Variants in PNMA8B observed in about 807,000 individuals in gnomAD.
The protein encoded by PNMA8B is PNMA family member 8B.
For synonymous variants in PNMA8B, 386 were observed against 394.9 expected, an observed-to-expected ratio of 0.98 and a Z score of 0.27; for missense variants, 887 against 885.8, an observed-to-expected ratio of 1.00 and a Z score of -0.02.
rs1455792645 is a variant in PNMA8B, at chr19:46,494,649, C to G, written c.817G>C (p.Ala273Pro). ...SKKEEAEKEP[A>P]GAESIRLNTK... Reference sequence around the variant, plus strand: ...TTCAAGCGGATGGATTCGGCCCCAGCTGGCTCCTTCTCTGCCTCTTCTTTC... The same window carrying G: ...TTCAAGCGGATGGATTCGGCCCCAGGTGGCTCCTTCTCTGCCTCTTCTTTC... Residue 273 changes from alanine (A) to proline (P), a missense_variant, in exon 1 of 1, where the codon GCT becomes CCT. By Grantham distance (27) the Ala-to-Pro change is conservative. Coordinates refer to ENST00000599531, the MANE Select transcript of PNMA8B (RefSeq NM_020709.3). 6.2e-7 allele frequency: 1 copy of G among 1,614,068 alleles called. No homozygotes were observed. Among genetic ancestry groups the G allele is most frequent in the Admixed American group, 1.7e-5 (1 of 60,038 alleles).
rs1970014767 is a variant in PNMA8B at position 46,492,311 on chromosome 19, A to T, written c.*1247T>A. 3.6e-6 allele frequency: 1 copy of T among 276,136 alleles called. No individual in the cohort carries two copies. The highest frequency in any genetic ancestry group is 4.4e-5 in the Admixed American group (1 of 22,538). 17.1% of individuals were successfully genotyped at this position (276,136 alleles called of 1,614,324 possible). ...CCGTGGAGACTGATATTTAGGTAAA[A>T]ATCGAGCTCAGCCGGGGTTGCAGGA... On this transcript the variant is annotated 3_prime_UTR_variant, in exon 1 of 1. Transcript: ENST00000599531.
Position 46,493,672 on chromosome 19 carries a change from G to A in PNMA8B, c.1794C>T (p.Gly598=). Residue 598 remains glycine (G), a synonymous_variant, in exon 1 of 1, where the codon GGC becomes GGT. Transcript: ENST00000599531. The surrounding 1 kb of genome is among the most constrained non-coding windows in gnomAD (Gnocchi z 5.3). ...CGCCTGCCCTGGCATGGGCCCCGGC[G>A]CCCGCGCTCCCCTTCTTCTTCCTGC... The part of the protein sequence containing the change: ...AGSRKKKGSA[G]AGAHARAGEA... The A allele has an allele frequency of 6.5e-7, 1 of 1,530,758 alleles. No individual in the cohort carries two copies. Among genetic ancestry groups the A allele is most frequent in the Non-Finnish European group, 8.7e-7 (1 of 1,147,340 alleles). The allele number at this position is 1,530,758 out of a possible 1,614,324, so 94.8% of individuals were successfully genotyped here. A position where few individuals can be genotyped will look rare whatever the true frequency, so the allele number is the denominator to read the frequency against.
rs1273978805 is a variant in PNMA8B, at chr19:46,495,397, G to A, written c.69C>T (p.Val23=). 1.4e-6 allele frequency: 2 copies of A among 1,403,288 alleles called. No individual in the cohort carries two copies. The highest frequency in any genetic ancestry group is 3.3e-5 in the Admixed American group (2 of 59,774). 86.9% of individuals were successfully genotyped at this position (1,403,288 alleles called of 1,614,324 possible). ...LDVDAHRALL[V]TGIPEGLEQA... ...GCTCCAGGCCCTCCGGGATGCCGGTGACCAGCAGGGCCCTGTGCGCGTCCA... is the reference window on the plus strand; with the variant it reads ...GCTCCAGGCCCTCCGGGATGCCGGTAACCAGCAGGGCCCTGTGCGCGTCCA... Residue 23 remains valine, a synonymous_variant, in exon 1 of 1, where the codon GTC becomes GTT. Coordinates refer to ENST00000599531, the MANE Select transcript of PNMA8B (RefSeq NM_020709.3).
In PNMA8B at chr19:46,494,443, C is replaced by A. The variant is rs1970059333; in HGVS notation, c.1023G>T (p.Pro341=). 3 of 1,613,862 alleles carry A rather than the reference C, an allele frequency of 1.9e-6. No individual in the cohort carries two copies. Among genetic ancestry groups the A allele is most frequent in the Admixed American group, 1.7e-5 (1 of 60,004 alleles). The change falls in exon 1 of 1, where the codon CCG becomes CCT. Residue 341 remains proline, a synonymous_variant. Transcript: ENST00000599531. The stretch of plus-strand genomic sequence containing the variant: ...TCTCCTCCCGGGCCCAGGGGTCCGA[C>A]GGGTCGGTATAGGCCACAATGGCCA... ...EFVAIVAYTD[P]SDPWAREEML...
In PNMA8B at chr19:46,495,382, C is replaced by T; in HGVS notation, c.84G>A (p.Glu28=). ...HRALLVTGIP[E]GLEQADVEAV... ...CTTCGACGTCTGCCTGCTCCAGGCCCTCCGGGATGCCGGTGACCAGCAGGG... is the reference window on the plus strand; with the variant it reads ...CTTCGACGTCTGCCTGCTCCAGGCCTTCCGGGATGCCGGTGACCAGCAGGG... The change falls in exon 1 of 1, where the codon GAG becomes GAA. Residue 28 remains glutamate, a synonymous_variant. Coordinates refer to ENST00000599531, the MANE Select transcript of PNMA8B (RefSeq NM_020709.3). 7.3e-7 allele frequency: 1 copy of T among 1,363,660 alleles called. No individual in the cohort carries two copies. The highest frequency in any genetic ancestry group is 1.0e-6 in the Non-Finnish European group (1 of 952,486). The allele number at this position is 1,363,660 out of a possible 1,614,324, so 84.5% of individuals were successfully genotyped here. A position where few individuals can be genotyped will look rare whatever the true frequency, so the allele number is the denominator to read the frequency against.
rs745940906 is a variant in PNMA8B at position 46,494,183 on chromosome 19, T to C, written c.1283A>G (p.Lys428Arg). Residue 428 changes from lysine (K) to arginine (R), a missense_variant, in exon 1 of 1, where the codon AAG (lysine) becomes AGG (arginine). Physicochemically the swap from Lys to Arg is conservative, Grantham distance 26 (BLOSUM62 2). Transcript: ENST00000599531. ...CCCGAAGAGGCCACGCCCAGCCTTCTTCGCCTGGGGAGGGAGATCCGGCTG... is the reference window on the plus strand; with the variant it reads ...CCCGAAGAGGCCACGCCCAGCCTTCCTCGCCTGGGGAGGGAGATCCGGCTG... The part of the protein sequence containing the change: ...LAQPDLPPQA[K>R]KAGRGLFGGW... 1.2e-6 allele frequency: 2 copies of C among 1,609,904 alleles called. No individual in the cohort carries two copies. The highest frequency in any genetic ancestry group is 2.2e-5 in the South Asian group (2 of 91,088).
Position 46,495,460 on chromosome 19 carries a change from G to A in PNMA8B, c.6C>T (p.Ala2=). M[A]MSLLQDWCRS... ...GGCACCAGTCCTGCAAAAGGCTCAT[G>A]GCCATGGTGCAGCCCCCTTGGCGCT... The change falls in exon 1 of 1, where the codon GCC becomes GCT. Residue 2 remains alanine (A), a synonymous_variant. Transcript: ENST00000599531. 2 of 1,599,098 alleles carry A rather than the reference G, an allele frequency of 1.3e-6. No homozygotes were observed. Among genetic ancestry groups the A allele is most frequent in the Non-Finnish European group, 8.6e-7 (1 of 1,168,798 alleles).
rs1429398552 is a variant in PNMA8B, at chr19:46,494,871, C to T, written c.595G>A (p.Asp199Asn). 7 of 1,612,910 alleles carry T rather than the reference C, an allele frequency of 4.3e-6. No individual in the cohort carries two copies. The highest frequency in any genetic ancestry group is 5.9e-6 in the Non-Finnish European group (7 of 1,179,898). Residue 199 changes from aspartate to asparagine, a missense_variant, in exon 1 of 1, where the codon GAC (aspartate) becomes AAC (asparagine). Coordinates refer to ENST00000599531, the MANE Select transcript of PNMA8B (RefSeq NM_020709.3). Reference protein sequence around the residue: ...PARSEAEDSSDESLGIVIEEI... With the variant: ...PARSEAEDSSNESLGIVIEEI... ...TCGATCACGATGCCCAGGCTCTCGT[C>T]GGAAGAGTCCTCGGCCTCACTCCTC...
rs753524991 is a variant in PNMA8B, at chr19:46,493,944, C to T, written c.1522G>A (p.Asp508Asn). Residue 508 changes from aspartate (D) to asparagine (N), a missense_variant, in exon 1 of 1, where the codon GAC becomes AAC. Coordinates refer to ENST00000599531, the MANE Select transcript of PNMA8B (RefSeq NM_020709.3). The surrounding 1 kb of genome is among the most constrained non-coding windows in gnomAD (Gnocchi z 5.3). Reference sequence around the variant, plus strand: ...TCCGACTCCTCCTCGGACTGTTCGTCCGAAGCCTCCTCCGACCCCTCGTTG... The same window carrying T: ...TCCGACTCCTCCTCGGACTGTTCGTTCGAAGCCTCCTCCGACCCCTCGTTG... Reference protein sequence around the residue: ...GSNEGSEEASDEQSEEESEDT... With the variant: ...GSNEGSEEASNEQSEEESEDT... 5.6e-6 allele frequency: 9 copies of T among 1,610,828 alleles called. No individual in the cohort carries two copies. In the South Asian group the frequency reaches 7.7e-5, roughly 14 times the overall value.
At position 46,492,324 on chromosome 19, in the gene PNMA8B, C is replaced by T. The variant is rs1463122832; in HGVS notation, c.*1234G>A. 1.8e-5 allele frequency: 5 copies of T among 276,050 alleles called. No homozygotes were observed. Among genetic ancestry groups the T allele is most frequent in the South Asian group, 5.8e-5 (2 of 34,634 alleles). The allele number at this position is 276,050 out of a possible 1,614,324, so 17.1% of individuals were successfully genotyped here. A position where few individuals can be genotyped will look rare whatever the true frequency, so the allele number is the denominator to read the frequency against. ...TATTTAGGTAAAAATCGAGCTCAGC[C>T]GGGGTTGCAGGAGCTGAAGCATACG... On this transcript the variant is annotated 3_prime_UTR_variant, in exon 1 of 1. Coordinates refer to ENST00000599531, the MANE Select transcript of PNMA8B (RefSeq NM_020709.3).
In PNMA8B at chr19:46,491,414, AG is replaced by A. The variant is rs1970000667; in HGVS notation, c.*2143del. On this transcript the variant is annotated 3_prime_UTR_variant, in exon 1 of 1. Transcript: ENST00000599531. ...GCAGCCATGTATGGTGGGGGGACAC[AG>A]GATGGAGGGAGGCAGAAAACTCAGG... 6.6e-6 allele frequency: 1 copy of A among 152,430 alleles called. No individual in the cohort carries two copies. The highest frequency in any genetic ancestry group is 1.5e-5 in the Non-Finnish European group (1 of 68,286). The allele number at this position is 152,430 out of a possible 1,614,324, so 9.4% of individuals were successfully genotyped here.
rs1402028450 is a variant in PNMA8B, at chr19:46,493,571, G to C, written c.1895C>G (p.Pro632Arg). ...KKARRGRRLPPKCR is the reference protein window; with the variant it reads ...KKARRGRRLPRKCR ...CTTGGGGGGCCACTAGCGGCATTTA[G>C]GGGGCAGCCTCCGGCCCCGACGGGC... is the stretch of plus-strand genomic sequence containing the variant. Residue 632 changes from proline (P) to arginine (R), a missense_variant, in exon 1 of 1, where the codon CCT (proline) becomes CGT (arginine). Physicochemically the swap from Pro to Arg is moderately radical, Grantham distance 103. Coordinates refer to ENST00000599531, the MANE Select transcript of PNMA8B (RefSeq NM_020709.3). This position sits in a 1 kb window ranked among gnomAD's most constrained non-coding sequence, Gnocchi z 5.3. The C allele has an allele frequency of 1.4e-6, 2 of 1,437,110 alleles. No individual in the cohort carries two copies. Among genetic ancestry groups the C allele is most frequent in the Non-Finnish European group, 9.1e-7 (1 of 1,103,002 alleles). 89.0% of individuals were successfully genotyped at this position (1,437,110 alleles called of 1,614,324 possible).
chr19:46,493,464 G>A lies in PNMA8B; in HGVS notation c.*94C>T. 1 of 771,412 alleles carries A rather than the reference G, an allele frequency of 1.3e-6. No individual in the cohort carries two copies. The highest frequency in any genetic ancestry group is 1.8e-6 in the Non-Finnish European group (1 of 563,000). The allele number at this position is 771,412 out of a possible 1,614,324, so 47.8% of individuals were successfully genotyped here. A position where few individuals can be genotyped will look rare whatever the true frequency, so the allele number is the denominator to read the frequency against. ...GTGAAGCGAGGAGATTGCGTCTGCG[G>A]AGGACAGGAAGAGGGGAGGGGAGGG... On this transcript the variant is annotated 3_prime_UTR_variant, in exon 1 of 1. Coordinates refer to ENST00000599531, the MANE Select transcript of PNMA8B (RefSeq NM_020709.3). The surrounding 1 kb of genome is among the most constrained non-coding windows in gnomAD (Gnocchi z 5.3).
chr19:46,494,895 T>G lies in PNMA8B; in HGVS notation c.571A>C (p.Arg191=). The change falls in exon 1 of 1, where the codon AGG becomes CGG. Residue 191 remains arginine, a synonymous_variant. Coordinates refer to ENST00000599531, the MANE Select transcript of PNMA8B (RefSeq NM_020709.3). ...SRGGRPSAPA[R]SEAEDSSDES... ...TCGGAAGAGTCCTCGGCCTCACTCCTCGCGGGAGCAGACGGCCGTCCTCCT... is the reference window on the plus strand; with the variant it reads ...TCGGAAGAGTCCTCGGCCTCACTCCGCGCGGGAGCAGACGGCCGTCCTCCT... 6.2e-7 allele frequency: 1 copy of G among 1,612,294 alleles called. No homozygotes were observed. The highest frequency in any genetic ancestry group is 8.5e-7 in the Non-Finnish European group (1 of 1,179,892).
chr19:46,493,392 GCC>G lies in PNMA8B; in HGVS notation c.*164_*165del. 1 of 436,680 alleles carries G rather than the reference GCC, an allele frequency of 2.3e-6. No individual in the cohort carries two copies. The allele number at this position is 436,680 out of a possible 1,614,324, so 27.1% of individuals were successfully genotyped here. ...TCGCTGGCGCCCCCGGCCTGCGAGG[GCC>G]CGAGAGGGGAACGTGACGCTGGCAA... is the stretch of plus-strand genomic sequence containing the variant. On this transcript the variant is annotated 3_prime_UTR_variant, in exon 1 of 1. Coordinates refer to ENST00000599531, the MANE Select transcript of PNMA8B (RefSeq NM_020709.3). This position sits in a 1 kb window ranked among gnomAD's most constrained non-coding sequence, Gnocchi z 5.3.
Position 46,494,069 on chromosome 19 carries a change from T to G in PNMA8B, c.1397A>C (p.Glu466Ala), listed in dbSNP as rs765740558. The change falls in exon 1 of 1, where the codon GAG becomes GCG. Residue 466 changes from glutamate (E) to alanine (A), a missense_variant. Physicochemically the swap from Glu to Ala is moderately radical, Grantham distance 107. Transcript: ENST00000599531. Reference sequence around the variant, plus strand: ...GCCTTCCCAGGCGTTTTCTTTTTCCTCCTTCATCACCTCCGCCATGTCCTG... The same window carrying G: ...GCCTTCCCAGGCGTTTTCTTTTTCCGCCTTCATCACCTCCGCCATGTCCTG... ...AAQDMAEVMK[E>A]EKENAWEGGK... The G allele has an allele frequency of 3.7e-6, 6 of 1,613,058 alleles. No individual in the cohort carries two copies. Among genetic ancestry groups the G allele is most frequent in the Non-Finnish European group, 5.1e-6 (6 of 1,179,770 alleles).
At position 46,494,226 on chromosome 19, in the gene PNMA8B, A is replaced by C. The variant is rs1442734926; in HGVS notation, c.1240T>G (p.Cys414Gly). 1 of 1,608,008 alleles carries C rather than the reference A, an allele frequency of 6.2e-7. No individual in the cohort carries two copies. The highest frequency in any genetic ancestry group is 1.3e-5 in the African/African-American group (1 of 74,414). ...KAGDDGDLRE[C>G]ISTLAQPDLP... ...TCCGGCTGCGCCAAGGTGGAAATGC[A>C]CTCCCGGAGGTCCCCGTCATCCCCG... The change falls in exon 1 of 1, where the codon TGC becomes GGC. Residue 414 changes from cysteine (C) to glycine (G), a missense_variant. Cys to Gly is a radical substitution (Grantham distance 159, BLOSUM62 -3). Transcript: ENST00000599531.
Position 46,494,401 on chromosome 19 carries a change from A to G in PNMA8B, c.1065T>C (p.Ser355=). ...WAREEMLKIA[S]VIESLGWSDE... Reference sequence around the variant, plus strand: ...CGCTCCAGCCCAGCGACTCGATAACAGAAGCGATTTTCAACATCTCCTCCC... The same window carrying G: ...CGCTCCAGCCCAGCGACTCGATAACGGAAGCGATTTTCAACATCTCCTCCC... Residue 355 remains serine (S), a synonymous_variant, in exon 1 of 1, where the codon TCT becomes TCC. Transcript: ENST00000599531. The G allele has an allele frequency of 1.9e-6, 3 of 1,613,604 alleles. No homozygotes were observed. The highest frequency in any genetic ancestry group is 2.5e-6 in the Non-Finnish European group (3 of 1,179,900).
Position 46,493,493 on chromosome 19 carries a change from G to C in PNMA8B, c.*65C>G. On this transcript the variant is annotated 3_prime_UTR_variant, in exon 1 of 1. Coordinates refer to ENST00000599531, the MANE Select transcript of PNMA8B (RefSeq NM_020709.3). This position sits in a 1 kb window ranked among gnomAD's most constrained non-coding sequence, Gnocchi z 5.3. ...ACAGGAAGAGGGGAGGGGAGGGCGG[G>C]GGCCACAGGCGGGCGGGTGCCCTGC... 9.7e-7 allele frequency: 1 copy of C among 1,026,496 alleles called. No homozygotes were observed. The highest frequency in any genetic ancestry group is 1.3e-6 in the Non-Finnish European group (1 of 783,564). The allele number at this position is 1,026,496 out of a possible 1,614,324, so 63.6% of individuals were successfully genotyped here.
Sources: gnomAD v4.1 joint callset for allele counts on GRCh38, gnomAD v4.1.1 for gene constraint, Gnocchi (gnomAD v3.1) non-coding constraint, MANE v1.5 for transcripts, NCBI Gene and HGNC (gene_info 2026-07-23, HGNC 2026-07-21) for gene names.